NISCH: variants seen among roughly 807,000 people sequenced by gnomAD.
NISCH encodes I-1 receptor candidate protein.
Under a neutral mutation model 138.4 loss-of-function variants are expected in NISCH, and 55 were observed. The ratio of observed to expected loss-of-function variants is 0.40; its 90% CI spans 0.32 to 0.50. The LOEUF (loss-of-function observed/expected upper bound fraction) is 0.50, where lower values mean the gene tolerates loss of function less well. Among genes scored for constraint, NISCH ranks in the 20% least tolerant of loss-of-function variants. The pLI is 0.71. For synonymous variants in NISCH, 860 were observed against 861.5 expected, an observed-to-expected ratio of 1.00 and a Z score of 0.03; for missense variants, 1,643 against 2,005.5, an observed-to-expected ratio of 0.82 and a Z score of 3.45.
intron 3 of NISCH, among the ~76,000 whole-genome samples, chr3:52,468,417 C>T (rs1162492016): frequency 5.9e-5 from 9 of 152,176 alleles, no homozygotes; most frequent in Admixed American, 5.9e-4. Flanking sequence ...CTGGGACCTG[C>T]TTGGCTCCAG....
At position 52,492,511 on chromosome 3, in the gene NISCH, A is replaced by T. The variant is rs780624664; in HGVS notation, c.*29A>T. On this transcript the variant is annotated 3_prime_UTR_variant, in exon 21 of 21. Coordinates refer to ENST00000345716, the MANE Select transcript of NISCH (RefSeq NM_007184.4). ...AGGCCACAGCCAGCCTGTCGTGTCCAGCCTGACGCCTACTGGGGCAGGGCA... is the reference window on the plus strand; with the variant it reads ...AGGCCACAGCCAGCCTGTCGTGTCCTGCCTGACGCCTACTGGGGCAGGGCA... The T allele has an allele frequency of 6.4e-7, 1 of 1,553,078 alleles. No homozygotes were observed. Among genetic ancestry groups the T allele is most frequent in the Non-Finnish European group, 8.7e-7 (1 of 1,151,986 alleles).
Position 52,484,519 on chromosome 3 carries a change from T to C in NISCH, c.1535T>C (p.Met512Thr), listed in dbSNP as rs778527310. Residue 512 changes from methionine to threonine, a missense_variant, in exon 14 of 21, where the codon ATG becomes ACG. By Grantham distance (81) the Met-to-Thr change is moderately conservative (BLOSUM62 -1). Coordinates refer to ENST00000345716, the MANE Select transcript of NISCH (RefSeq NM_007184.4). ...CCCGCCCTGGTCTCTCCAGGAATCA[T>C]GTTCGTTCAGGAGGAGGCCCTGGCC... The part of the protein sequence containing the change: ...PQPILSNQGI[M>T]FVQEEALASS... 7 of 1,352,346 alleles carry C rather than the reference T, an allele frequency of 5.2e-6. No individual in the cohort carries two copies. Among genetic ancestry groups the C allele is most frequent in the African/African-American group, 1.7e-5 (1 of 59,348 alleles). 83.8% of individuals were successfully genotyped at this position (1,352,346 alleles called of 1,614,324 possible).
chr3:52,484,428 G>A lies in NISCH; in HGVS notation c.1529-85G>A, dbSNP rs940562416. 39 of 1,386,636 alleles carry A rather than the reference G, an allele frequency of 2.8e-5. No homozygotes were observed. The African/African-American group carries it at 5.1e-4, about 18-fold the overall frequency. The allele number at this position is 1,386,636 out of a possible 1,614,324, so 85.9% of individuals were successfully genotyped here. ...CTAACCCCCGCCATGCCAGTAGCCT[G>A]AGGGGCCCAGCCCCACTTGTTGAAC... On this transcript the variant is annotated intron_variant, in intron 13 of 20. Transcript: ENST00000345716.
chr3:52,484,462 T>TGGGGGCGCCCCC, intron 13 of NISCH, 51 bp from the exon 14 acceptor site: 1 of 788,670 alleles, frequency 1.3e-6, no homozygotes, highest in Non-Finnish European at 1.8e-6. Flanking sequence ...ACAGCCGCTC[T>TGGGGGCGCCCCC]CCCCGCCCCA....
At position 52,487,911 on chromosome 3, in the gene NISCH, C is replaced by G; in HGVS notation, c.2419C>G (p.Leu807Val). Residue 807 changes from leucine (L) to valine (V), a missense_variant, in exon 16 of 21, where the codon CTG becomes GTG. By Grantham distance (32) the Leu-to-Val change is conservative (BLOSUM62 1). Coordinates refer to ENST00000345716, the MANE Select transcript of NISCH (RefSeq NM_007184.4). The surrounding 1 kb of genome is among the most constrained non-coding windows in gnomAD (Gnocchi z 9.1). ...CAACCTGCACGAGTTCCACGCGGAC[C>G]TGCGCTCATGCTTTGCACCCCAGCA... ...AANLHEFHAD[L>V]RSCFAPQHMA... 6.2e-7 allele frequency: 1 copy of G among 1,611,970 alleles called. No homozygotes were observed. Among genetic ancestry groups the G allele is most frequent in the Non-Finnish European group, 8.5e-7 (1 of 1,179,946 alleles).
intron 13 of NISCH, chr3:52,481,690 G>C (rs543449111): frequency 3.0e-6 from 3 of 985,574 alleles, no homozygotes; most frequent in Non-Finnish European, 3.6e-6. Flanking sequence ...TGAAGAGCAG[G>C]CCCTGGATGG....
intron 20 of NISCH, 93 bp from the exon 21 acceptor site, chr3:52,491,779 G>T (rs1216037293): frequency 1.4e-6 from 2 of 1,453,020 alleles, no homozygotes; most frequent in Admixed American, 2.2e-5. Flanking sequence ...CCTGTCTCAT[G>T]CCGGGGTCTC....
intron 1 of NISCH, 47 bp downstream of exon 1, chr3:52,455,781 C>A: frequency 7.8e-7 from 1 of 1,283,874 alleles, no homozygotes. Flanking sequence ...TGGCTGGAAC[C>A]GGGAGTCCGA....
rs560481905 is a variant in NISCH at position 52,490,338 on chromosome 3, G to A, written c.3613+107G>A. On this transcript the variant is annotated intron_variant, in intron 18 of 20. Transcript: ENST00000345716. ...TGTGTGGCTTCAGGCAGCAGTCAGCGACTTGGCTGCAGTGGGCTGAGAGTT... is the reference window on the plus strand; with the variant it reads ...TGTGTGGCTTCAGGCAGCAGTCAGCAACTTGGCTGCAGTGGGCTGAGAGTT... 5.6e-5 allele frequency: 73 copies of A among 1,307,230 alleles called. No individual in the cohort carries two copies. In the East Asian group the frequency reaches 1.2e-3, roughly 22 times the overall value. 81.0% of individuals were successfully genotyped at this position (1,307,230 alleles called of 1,614,324 possible). A position where few individuals can be genotyped will look rare whatever the true frequency, so the allele number is the denominator to read the frequency against.
At position 52,470,877 on chromosome 3, in the gene NISCH, G is replaced by C. The variant is rs781492284; in HGVS notation, c.379G>C (p.Ala127Pro). 2 of 1,614,134 alleles carry C rather than the reference G, an allele frequency of 1.2e-6. No individual in the cohort carries two copies. Among genetic ancestry groups the C allele is most frequent in the Non-Finnish European group, 1.7e-6 (2 of 1,180,018 alleles). Residue 127 changes from alanine to proline, a missense_variant, in exon 4 of 21, where the codon GCG becomes CCG. Coordinates refer to ENST00000345716, the MANE Select transcript of NISCH (RefSeq NM_007184.4). ...TCTGCAGGAGATAAATGGCATCACC[G>C]CGGCACTGGCTGAAGAGCTCTTTGA... Reference protein sequence around the residue: ...FHFYEINGITAALAEELFEKG... With the variant: ...FHFYEINGITPALAEELFEKG...
At chr3:52,483,969 C>T (rs1707343202) in intron 13 of NISCH, among the ~76,000 whole-genome samples, 1 of 152,256 alleles carries the variant, frequency 6.6e-6, no homozygotes, top group African/African-American at 2.4e-5. Context: ...CAACACTTGT[C>T]TCTTGTTTCA....
intron 13 of NISCH, among the ~76,000 whole-genome samples, chr3:52,482,072 C>T (rs1047227835): frequency 6.6e-6 from 1 of 152,224 alleles, no homozygotes; most frequent in Non-Finnish European, 1.5e-5. Context: ...CTGTCCCTGT[C>T]CACATTTCCT....
chr3:52,457,989 T>C (rs992270858), intron 2 of NISCH, 63 bp downstream of exon 2: 6 of 1,261,460 alleles, frequency 4.8e-6, no homozygotes, highest in African/African-American at 2.9e-5. Flanking sequence ...CAACTTTCCA[T>C]TGTGCCACAT....
chr3:52,463,511 T>G (rs1393354039), intron 3 of NISCH, among the ~76,000 whole-genome samples: 2 of 152,196 alleles, frequency 1.3e-5, no homozygotes, highest in African/African-American at 4.8e-5. Flanking sequence ...GTTTGACTTT[T>G]TGAGAAACTA....
chr3:52,488,237 G>A lies in NISCH; in HGVS notation c.2745G>A (p.Gln915=). The change falls in exon 16 of 21, where the codon CAG becomes CAA. Residue 915 remains glutamine (Q), a synonymous_variant. Coordinates refer to ENST00000345716, the MANE Select transcript of NISCH (RefSeq NM_007184.4). ...AIPYWLLLTP[Q]HLNVIKADFN... is the part of the protein sequence containing the mutation. ...CCTACTGGCTGTTGCTCACGCCCCA[G>A]CACCTCAACGTCATCAAGGCCGACT... 1 of 1,611,520 alleles carries A rather than the reference G, an allele frequency of 6.2e-7. No homozygotes were observed. The highest frequency in any genetic ancestry group is 2.2e-5 in the East Asian group (1 of 44,884).
Position 52,490,172 on chromosome 3 carries a change from A to G in NISCH, c.3554A>G (p.Lys1185Arg). ...EVTACVLLST[K>R]AVYFVLHDGL... ...ACTGCCTGCGTGCTGCTCTCCACCA[A>G]GGCTGTGTACTTTGTGCTCCACGAC... The change falls in exon 18 of 21, where the codon AAG becomes AGG. Residue 1185 changes from lysine to arginine, a missense_variant. Transcript: ENST00000345716. The G allele has an allele frequency of 6.2e-7, 1 of 1,613,470 alleles. No individual in the cohort carries two copies. Among genetic ancestry groups the G allele is most frequent in the Non-Finnish European group, 8.5e-7 (1 of 1,180,010 alleles).
Position 52,471,810 on chromosome 3 carries a change from G to T in NISCH, c.410-4G>T. 6.2e-7 allele frequency: 1 copy of T among 1,613,994 alleles called. No homozygotes were observed. Among genetic ancestry groups the T allele is most frequent in the East Asian group, 2.2e-5 (1 of 44,890 alleles). ...ACTTATCCTTCAGGGCATGGCTCTT[G>T]CAGGAGAACAGCTCCTGGGGGCCGG... On this transcript the variant is annotated splice_polypyrimidine_tract_variant and splice_region_variant and intron_variant, in intron 4 of 20. Coordinates refer to ENST00000345716, the MANE Select transcript of NISCH (RefSeq NM_007184.4).
intron 7 of NISCH, 141 bp from the exon 8 acceptor site, chr3:52,476,306 C>A: frequency 1.2e-6 from 1 of 865,638 alleles, no homozygotes. Flanking sequence ...GACATAGGAA[C>A]CAAAGGCATG....
intron 3 of NISCH, among the ~76,000 whole-genome samples, chr3:52,461,704 A>G (rs1168627768): frequency 6.6e-6 from 1 of 152,098 alleles, no homozygotes; most frequent in African/African-American, 2.4e-5. Flanking sequence ...TCTACTAAAA[A>G]TACAAAAAAT....
Sources: gnomAD v4.1 joint callset for allele counts (sites outside exome capture counted in the v4.1 genomes callset) on GRCh38, gnomAD v4.1.1 for gene constraint, Gnocchi (gnomAD v3.1) non-coding constraint, MANE v1.5 for transcripts, NCBI Gene and HGNC (gene_info 2026-07-23, HGNC 2026-07-21) for gene names.